SPEF2: variants seen among roughly 807,000 people sequenced by gnomAD.
SPEF2 encodes the protein sperm flagella and cilia-associated protein 2.
Under a neutral mutation model 224.6 loss-of-function variants are expected in SPEF2, and 187 were observed. The observed-to-expected ratio is 0.83, with a 90% CI of 0.74 to 0.94. The LOEUF is 0.94. Ranked by LOEUF, SPEF2 falls within the 40% of genes least tolerant of loss-of-function variation. The pLI is 0.00. For missense variants in SPEF2, 2,170 were observed against 2,135.6 expected (o/e 1.02, Z -0.32); for synonymous variants, 715 against 707.3 (o/e 1.01, Z -0.17).
chr5:35,655,083 T>TTCC, intron 7 of SPEF2, among the ~76,000 whole-genome samples: 2 of 152,226 alleles, frequency 1.3e-5, no homozygotes, highest in Non-Finnish European at 2.9e-5. Context: ...AAAAAGGGAA[T>TTCC]GGTTTAATGA....
intron 10 of SPEF2, among the ~76,000 whole-genome samples, chr5:35,684,939 T>C (rs1753368145): frequency 6.6e-6 from 1 of 152,212 alleles, no homozygotes; most frequent in Admixed American, 6.5e-5. Flanking sequence ...TAGTTTCTAA[T>C]TGGCCACATT....
intron 24 of SPEF2, among the ~76,000 whole-genome samples, chr5:35,758,923 T>C (rs1750822489): frequency 7.2e-6 from 1 of 139,378 alleles, no homozygotes; most frequent in Non-Finnish European, 1.5e-5. Flanking sequence ...GGAAAATCGC[T>C]TGAACCTAGG....
At chr5:35,620,790 G>A (rs1478784526) in intron 1 of SPEF2, among the ~76,000 whole-genome samples, 1 of 152,106 alleles carries the variant, frequency 6.6e-6, no homozygotes, top group African/African-American at 2.4e-5. Context: ...AGCTTATTGT[G>A]ACTAGTATAA....
intron 10 of SPEF2, among the ~76,000 whole-genome samples, chr5:35,683,636 ACAAG>A (rs561294481): frequency 6.1e-4 from 93 of 152,286 alleles, no homozygotes; most frequent in Middle Eastern, 3.4e-3. Context: ...AAACAAACAA[ACAAG>A]CAAAAACCAG....
intron 2 of SPEF2, among the ~76,000 whole-genome samples, chr5:35,638,933 G>A (rs1746207100): frequency 6.6e-6 from 1 of 152,196 alleles, no homozygotes. Flanking sequence ...TCGCAGATGA[G>A]TGTTTCAGGT....
At chr5:35,646,529 G>A in intron 4 of SPEF2, 138 bp from the exon 5 acceptor site, 1 of 707,768 alleles carries the variant, frequency 1.4e-6, no homozygotes, top group Non-Finnish European at 2.3e-6. Context: ...TTACACAGTT[G>A]TGACACCTAG....
At chr5:35,810,212 C>A (rs903530164) in intron 36 of SPEF2, among the ~76,000 whole-genome samples, 1 of 151,946 alleles carries the variant, frequency 6.6e-6, no homozygotes, top group Admixed American at 6.6e-5. Flanking sequence ...CATAAGACTC[C>A]CCCACTTTAT....
intron 18 of SPEF2, among the ~76,000 whole-genome samples, chr5:35,708,215 C>T (rs1740202476): frequency 6.6e-6 from 1 of 152,060 alleles, no homozygotes; most frequent in South Asian, 2.1e-4. Flanking sequence ...GAATGAATTG[C>T]TAAGGCTTAA....
At chr5:35,776,433 G>A in intron 29 of SPEF2, 38 bp downstream of exon 29, 7 of 1,547,838 alleles carry the variant, frequency 4.5e-6, no homozygotes, top group Non-Finnish European at 6.1e-6. Context: ...TATGCTTTGT[G>A]TATTCTAAGT....
intron 10 of SPEF2, among the ~76,000 whole-genome samples, chr5:35,685,596 T>C (rs1753486889): frequency 6.6e-6 from 1 of 152,096 alleles, no homozygotes; most frequent in African/African-American, 2.4e-5. Context: ...TAAGGGCCAC[T>C]TTGTCATATT....
At chr5:35,690,984 C>A (rs995388634) in intron 10 of SPEF2, 53 bp from the exon 11 acceptor site, 4 of 1,460,348 alleles carry the variant, frequency 2.7e-6, no homozygotes, top group South Asian at 2.5e-5. Flanking sequence ...ATTTCATATA[C>A]CTAAATTCCA....
intron 23 of SPEF2, among the ~76,000 whole-genome samples, chr5:35,745,156 G>GC (rs1402783613): frequency 1.3e-5 from 2 of 152,228 alleles, no homozygotes; most frequent in Non-Finnish European, 2.9e-5. Context: ...GGAAGTAGCA[G>GC]AAAGGCACTG....
chr5:35,620,418 C>T (rs1743340148), intron 1 of SPEF2, among the ~76,000 whole-genome samples: 1 of 151,990 alleles, frequency 6.6e-6, no homozygotes, highest in South Asian at 2.1e-4. Context: ...TTAAAAACAG[C>T]AATAATAATG....
chr5:35,644,790 C>A (rs1747122161), intron 4 of SPEF2, among the ~76,000 whole-genome samples: 1 of 152,286 alleles, frequency 6.6e-6, no homozygotes, highest in Admixed American at 6.5e-5. Flanking sequence ...ATTACCTTCA[C>A]TGGTAGAAAT....
chr5:35,765,897 T>C (rs1042993565), intron 26 of SPEF2, among the ~76,000 whole-genome samples: 1 of 152,156 alleles, frequency 6.6e-6, no homozygotes, highest in African/African-American at 2.4e-5. Context: ...ATATAATTTT[T>C]TCTGCATTTT....
intron 19 of SPEF2, chr5:35,710,322 C>T (rs1055230714): frequency 2.2e-6 from 2 of 893,146 alleles, no homozygotes; most frequent in African/African-American, 3.6e-5. Flanking sequence ...CTTTGGGAGG[C>T]TGAGGTGGGC....
intron 10 of SPEF2, among the ~76,000 whole-genome samples, chr5:35,689,263 A>ACT (rs1467011651): frequency 6.6e-6 from 1 of 152,142 alleles, no homozygotes; most frequent in Non-Finnish European, 1.5e-5. Context: ...ATACAGTTAT[A>ACT]AATCCAAATT....
chr5:35,657,529 A>G (rs1033905728), intron 7 of SPEF2, among the ~76,000 whole-genome samples: 2 of 152,064 alleles, frequency 1.3e-5, no homozygotes, highest in African/African-American at 4.8e-5. Flanking sequence ...GGTTTACTAG[A>G]CTACTTCTTG....
intron 21 of SPEF2, among the ~76,000 whole-genome samples, chr5:35,729,250 C>T (rs1314033961): frequency 6.6e-6 from 1 of 151,266 alleles, no homozygotes; most frequent in Non-Finnish European, 1.5e-5. Flanking sequence ...TTATTCCCTC[C>T]CCTCCAACAA....
Sources: allele counts gnomAD v4.1 joint callset (sites outside exome capture counted in the v4.1 genomes callset), GRCh38; gene constraint gnomAD v4.1.1; transcripts MANE v1.5; gene names NCBI Gene and HGNC (gene_info 2026-07-23, HGNC 2026-07-21).